The following ADGRV1 variants were observed in gnomAD, a reference collection of about 807,000 sequenced individuals.
ADGRV1 encodes adhesion G protein-coupled receptor V1.
In ADGRV1, 359 loss-of-function variants were observed where a neutral mutation model predicts 596.2. The ratio of observed to expected loss-of-function variants is 0.60; its 90% CI spans 0.55 to 0.66. ADGRV1 has a LOEUF of 0.66. Among genes scored for constraint, ADGRV1 ranks in the 30% least tolerant of loss-of-function variants. The pLI is 0.00. For synonymous variants in ADGRV1, 2,681 were observed against 2,679.2 expected, an observed-to-expected ratio of 1.00 and a Z score of -0.02; for missense variants, 7,274 against 7,575.6, an observed-to-expected ratio of 0.96 and a Z score of 1.48.
At chr5:90,593,639 C>T (rs1044437663) in intron 1 of ADGRV1, among the ~76,000 whole-genome samples, 3 of 152,102 alleles carry the variant, frequency 2.0e-5, no homozygotes, top group Non-Finnish European at 2.9e-5. Flanking sequence ...GTACAGTGTA[C>T]GCTGCTTGGG....
chr5:90,989,253 A>T (rs974047944), intron 85 of ADGRV1, among the ~76,000 whole-genome samples: 2 of 152,108 alleles, frequency 1.3e-5, no homozygotes, highest in African/African-American at 4.8e-5. Context: ...TTACAGTCCC[A>T]CCAACAGTGT....
intron 1 of ADGRV1, among the ~76,000 whole-genome samples, chr5:90,589,302 G>T (rs1759174596): frequency 6.6e-6 from 1 of 152,184 alleles, no homozygotes; most frequent in Non-Finnish European, 1.5e-5. Context: ...AGAGATGAAA[G>T]ATACCATAGT....
intron 27 of ADGRV1, 116 bp downstream of exon 27, chr5:90,681,570 C>G: frequency 2.0e-6 from 2 of 980,784 alleles, no homozygotes; most frequent in South Asian, 2.2e-5. Flanking sequence ...GGGGAATGAG[C>G]CTATTGGCAC....
chr5:90,797,701 T>G (rs1760902483), intron 70 of ADGRV1, among the ~76,000 whole-genome samples: 1 of 152,190 alleles, frequency 6.6e-6, no homozygotes, highest in South Asian at 2.1e-4. Flanking sequence ...GTCGCACTTA[T>G]TCTAAAATTG....
intron 87 of ADGRV1, among the ~76,000 whole-genome samples, chr5:91,124,028 G>A (rs943941038): frequency 2.9e-4 from 44 of 152,258 alleles, no homozygotes; most frequent in African/African-American, 1.1e-3. Context: ...CCAAGGAGAA[G>A]GCCTTGAAAC....
intron 83 of ADGRV1, among the ~76,000 whole-genome samples, chr5:90,931,499 G>A (rs1330051178): frequency 1.3e-5 from 2 of 152,052 alleles, no homozygotes; most frequent in African/African-American, 4.8e-5. Context: ...TGCCCAAATT[G>A]ACAAATTTCA....
intron 1 of ADGRV1, among the ~76,000 whole-genome samples, chr5:90,595,718 A>T (rs1448229760): frequency 1.3e-3 from 117 of 91,614 alleles, no homozygotes; most frequent in South Asian, 1.6e-3. Context: ...GGGGCTCCTC[A>T]CTTCCCAGTA....
At position 90,778,970 on chromosome 5, in the gene ADGRV1, G is replaced by A. The variant is rs1011352681; in HGVS notation, c.12955G>A (p.Ala4319Thr). The A allele has an allele frequency of 6.2e-7, 1 of 1,613,522 alleles. No individual in the cohort carries two copies. The highest frequency in any genetic ancestry group is 1.7e-5 in the Admixed American group (1 of 59,982). The change falls in exon 64 of 90, where the codon GCA (alanine) becomes ACA (threonine). Residue 4319 changes from alanine to threonine, a missense_variant. Ala to Thr is a moderately conservative substitution (Grantham distance 58). Transcript: ENST00000405460. ...AGCAGGCTTGGATTTTGTTCCTGCA[G>A]CAGGGGAGCTCCTCTTTGAAGCAGG... is the stretch of plus-strand genomic sequence containing the variant. ...AEAGLDFVPA[A>T]GELLFEAGEM... is the part of the protein sequence containing the mutation.
At chr5:90,999,736 C>G (rs147757863) in intron 85 of ADGRV1, among the ~76,000 whole-genome samples, 33 of 152,062 alleles carry the variant, frequency 2.2e-4, no homozygotes, top group African/African-American at 7.7e-4. Context: ...TGAAAAAGCT[C>G]GTACAACCAC....
chr5:90,908,714 A>G (rs970094659), intron 83 of ADGRV1, among the ~76,000 whole-genome samples: 2 of 152,196 alleles, frequency 1.3e-5, no homozygotes, highest in Non-Finnish European at 2.9e-5. Context: ...GTGAAGAGTG[A>G]TATATTATTA....
intron 58 of ADGRV1, among the ~76,000 whole-genome samples, chr5:90,760,799 T>C (rs1756435706): frequency 6.6e-6 from 1 of 152,220 alleles, no homozygotes; most frequent in Admixed American, 6.5e-5. Flanking sequence ...AAAAGGCTAA[T>C]TAATCATGAA....
Position 90,781,525 on chromosome 5 carries a change from A to G in ADGRV1, c.13178A>G (p.Asn4393Ser). Reference sequence around the variant, plus strand: ...ATTGTTCGCATCATAATAATGAAAAATGATAACGCAGAAGGCATCATTGAA... The same window carrying G: ...ATTGTTCGCATCATAATAATGAAAAGTGATAACGCAGAAGGCATCATTGAA... The part of the protein sequence containing the change: ...ISIVRIIIMK[N>S]DNAEGIIEFD... Residue 4393 changes from asparagine to serine, a missense_variant, in exon 65 of 90, where the codon AAT becomes AGT. Asn to Ser is a conservative substitution (Grantham distance 46). Coordinates refer to ENST00000405460, the MANE Select transcript of ADGRV1 (RefSeq NM_032119.4). 1 of 1,611,816 alleles carries G rather than the reference A, an allele frequency of 6.2e-7. No homozygotes were observed. The highest frequency in any genetic ancestry group is 1.1e-5 in the South Asian group (1 of 90,778).
chr5:91,067,868 A>G (rs183158564), intron 85 of ADGRV1, among the ~76,000 whole-genome samples: 1 of 152,236 alleles, frequency 6.6e-6, no homozygotes, highest in Non-Finnish European at 1.5e-5. Flanking sequence ...CATAAGAATG[A>G]GTAACCAGCA....
rs74909922 is a variant in ADGRV1 at position 90,584,915 on chromosome 5, A to T, written c.22+25998A>T. Among the ~76,000 whole-genome samples the T allele has an allele frequency of 9.2e-3, 1,397 of 152,322 alleles. 12 individuals are homozygous for T. Among genetic ancestry groups the T allele is most frequent in the African/African-American group, 0.032 (1,331 of 41,564 alleles). On this transcript the variant is annotated intron_variant, in intron 1 of 89. Transcript: ENST00000405460. Reference sequence around the variant, plus strand: ...TCAAAAAATTTTGGTTCCATATTATAAAACCACCACACTGCATTTGCTATT... The same window carrying T: ...TCAAAAAATTTTGGTTCCATATTATTAAACCACCACACTGCATTTGCTATT...
At chr5:90,603,398 G>C (rs1761665173) in intron 1 of ADGRV1, among the ~76,000 whole-genome samples, 1 of 152,132 alleles carries the variant, frequency 6.6e-6, no homozygotes, top group Admixed American at 6.5e-5. Flanking sequence ...TGGATGTATG[G>C]GTGGTGCTCA....
chr5:91,115,174 C>T (rs1388390031), intron 87 of ADGRV1, among the ~76,000 whole-genome samples: 3 of 152,090 alleles, frequency 2.0e-5, no homozygotes, highest in African/African-American at 4.8e-5. Flanking sequence ...TGTTCATGCT[C>T]CTATTTTTGT....
In ADGRV1 at chr5:90,733,437, C is replaced by T. The variant is rs191824616; in HGVS notation, c.10549+3673C>T. ...GGAGACATCCATGCGTGGGGATAGTCGAACTCATAAATGTTAAAGTGTACA... is the reference window on the plus strand; with the variant it reads ...GGAGACATCCATGCGTGGGGATAGTTGAACTCATAAATGTTAAAGTGTACA... On this transcript the variant is annotated intron_variant, in intron 50 of 89. Coordinates refer to ENST00000405460, the MANE Select transcript of ADGRV1 (RefSeq NM_032119.4). Among the ~76,000 whole-genome samples the T allele has an allele frequency of 4.1e-4, 63 of 152,160 alleles. 1 individual carries two copies. The highest frequency in any genetic ancestry group is 1.4e-3 in the African/African-American group (57 of 41,508).
chr5:90,816,803 G>A (rs1242105895), intron 75 of ADGRV1, among the ~76,000 whole-genome samples: 5 of 151,736 alleles, frequency 3.3e-5, no homozygotes, highest in Non-Finnish European at 2.9e-5. Flanking sequence ...TCTTAATCCA[G>A]TCTATCATTG....
chr5:90,693,907 G>C lies in ADGRV1; in HGVS notation c.7151G>C (p.Arg2384Pro). The change falls in exon 33 of 90, where the codon CGG becomes CCG. Residue 2384 changes from arginine to proline, a missense_variant. Arg to Pro is a moderately radical substitution (Grantham distance 103). Coordinates refer to ENST00000405460, the MANE Select transcript of ADGRV1 (RefSeq NM_032119.4). ...TVRRSGGHFG[R>P]LLLFYSTSDI... ...CATTTTAGCGGAGGGCACTTTGGTCGGCTGTTGTTGTTCTACAGTACTTCC... is the reference window on the plus strand; with the variant it reads ...CATTTTAGCGGAGGGCACTTTGGTCCGCTGTTGTTGTTCTACAGTACTTCC... The C allele has an allele frequency of 6.4e-7, 1 of 1,556,518 alleles. No individual in the cohort carries two copies. The highest frequency in any genetic ancestry group is 8.7e-7 in the Non-Finnish European group (1 of 1,150,004).
Sources: allele counts gnomAD v4.1 joint callset (sites outside exome capture counted in the v4.1 genomes callset), GRCh38; gene constraint gnomAD v4.1.1; transcripts MANE v1.5; gene names NCBI Gene and HGNC (gene_info 2026-07-23, HGNC 2026-07-21).